Variants in DAPK2 observed in about 807,000 individuals in gnomAD.
DAPK2 encodes the protein death associated protein kinase 2, also known as death-associated protein kinase 2.
Under a neutral mutation model 44.1 loss-of-function variants are expected in DAPK2, and 35 were observed. The observed-to-expected ratio is 0.79, with a 90% CI of 0.61 to 1.05. The LOEUF is 1.05. Ranked by LOEUF, DAPK2 falls within the 50% of genes least tolerant of loss-of-function variation. The pLI is 0.00. For synonymous variants in DAPK2, 174 were observed against 182.6 expected (o/e 0.95, Z 0.38); for missense variants, 453 against 483.2 (o/e 0.94, Z 0.59).
intron 1 of DAPK2, among the ~76,000 whole-genome samples, chr15:64,017,813 A>G (rs1014974951): frequency 2.6e-5 from 4 of 152,224 alleles, no homozygotes; most frequent in African/African-American, 9.6e-5. Context: ...TGTGTTGAAA[A>G]GCAGCCACAC....
intron 1 of DAPK2, among the ~76,000 whole-genome samples, chr15:63,986,860 C>CCACTGAG: frequency 1.2e-5 from 1 of 83,332 alleles, no homozygotes; most frequent in South Asian, 3.3e-4. Flanking sequence ...CCAGGGCTGA[C>CCACTGAG]TTACAACAGC....
At chr15:64,029,307 G>C (rs557696209) in intron 1 of DAPK2, among the ~76,000 whole-genome samples, 1 of 152,234 alleles carries the variant, frequency 6.6e-6, no homozygotes, top group African/African-American at 2.4e-5. Context: ...GGTGATGAAA[G>C]TGCCTCCCTC....
At chr15:63,970,898 C>T (rs1046453024) in intron 3 of DAPK2, among the ~76,000 whole-genome samples, 6 of 152,090 alleles carry the variant, frequency 3.9e-5, no homozygotes, top group African/African-American at 1.4e-4. Flanking sequence ...CCCCTACAAG[C>T]AGTTTTATGA....
At chr15:63,907,108 T>G (rs1202263412) in exon 11 of DAPK2, 1 of 152,166 alleles carries the variant, frequency 6.6e-6, no homozygotes, top group Non-Finnish European at 1.5e-5. Context: ...GTCAGCAGGG[T>G]TGGTTTCCTC....
chr15:64,014,859 G>T (rs1408221427), intron 1 of DAPK2, among the ~76,000 whole-genome samples: 1 of 151,422 alleles, frequency 6.6e-6, no homozygotes, highest in African/African-American at 2.4e-5. Flanking sequence ...GGTGGAGGTT[G>T]CAGTGAGCTG....
chr15:63,976,438 G>C (rs1224735745), intron 2 of DAPK2, among the ~76,000 whole-genome samples: 1 of 152,178 alleles, frequency 6.6e-6, no homozygotes, highest in African/African-American at 2.4e-5. Flanking sequence ...TGAAATGTGG[G>C]CTGGGCACAG....
At chr15:63,942,910 G>GTT (rs1247417657) in intron 3 of DAPK2, among the ~76,000 whole-genome samples, 2 of 152,096 alleles carry the variant, frequency 1.3e-5, no homozygotes, top group Non-Finnish European at 2.9e-5. Flanking sequence ...TTGCCCAAGG[G>GTT]TTTTGTTCCT....
At chr15:63,940,528 T>A (rs1338071845) in intron 3 of DAPK2, among the ~76,000 whole-genome samples, 1 of 152,038 alleles carries the variant, frequency 6.6e-6, no homozygotes, top group Non-Finnish European at 1.5e-5. Flanking sequence ...CCGGCCAACA[T>A]GGCAAAACCC....
intron 3 of DAPK2, among the ~76,000 whole-genome samples, chr15:63,946,164 G>A (rs543794144): frequency 7.9e-5 from 12 of 152,216 alleles, no homozygotes; most frequent in South Asian, 6.2e-4. Flanking sequence ...AGCTCATCCC[G>A]CCAGGGAGGC....
chr15:64,021,765 CAGAGGG>C (rs1013725362), intron 1 of DAPK2, among the ~76,000 whole-genome samples: 35 of 152,130 alleles, frequency 2.3e-4, no homozygotes, highest in Non-Finnish European at 4.4e-4. Flanking sequence ...GGGAAGGCCC[CAGAGGG>C]AGAGGAAGTA....
At chr15:64,002,074 T>G (rs373491300) in intron 1 of DAPK2, among the ~76,000 whole-genome samples, 2 of 152,256 alleles carry the variant, frequency 1.3e-5, no homozygotes, top group African/African-American at 4.8e-5. Context: ...CCTCTCATTT[T>G]ACACTCTCAA....
chr15:64,005,478 G>A (rs1315007310), intron 1 of DAPK2, among the ~76,000 whole-genome samples: 1 of 151,706 alleles, frequency 6.6e-6, no homozygotes, highest in Non-Finnish European at 1.5e-5. Flanking sequence ...GCAGGTGCTG[G>A]AGAAGATGTG....
At chr15:64,002,952 G>GTGTGTCGTGGGACC (rs2079125009) in intron 1 of DAPK2, among the ~76,000 whole-genome samples, 2 of 130,754 alleles carry the variant, frequency 1.5e-5, no homozygotes, top group Non-Finnish European at 3.3e-5. Context: ...GTGTGTGTGT[G>GTGTGTCGTGGGACC]TGTGTGTGTG....
chr15:63,961,669 C>T (rs529970193), intron 3 of DAPK2, among the ~76,000 whole-genome samples: 1 of 152,246 alleles, frequency 6.6e-6, no homozygotes, highest in Admixed American at 6.5e-5. Context: ...GAATATTGGC[C>T]CCCACTCTCT....
chr15:64,024,509 C>T (rs1212576323), intron 1 of DAPK2, among the ~76,000 whole-genome samples: 1 of 152,204 alleles, frequency 6.6e-6, no homozygotes, highest in African/African-American at 2.4e-5. Context: ...ATTTCAACAA[C>T]CCCATGAGAT....
intron 1 of DAPK2, among the ~76,000 whole-genome samples, chr15:64,023,796 C>A: frequency 6.6e-6 from 1 of 152,114 alleles, no homozygotes; most frequent in East Asian, 1.9e-4. Context: ...ACATCTGTGG[C>A]AGGAATGGAA....
rs1034219576 is a variant in DAPK2, at chr15:63,916,469, C to G, written c.859-4272G>C. The stretch of plus-strand genomic sequence containing the variant: ...CACTTCTCTCCTGCCCAGGACCCCT[C>G]CCCGCTGCCCTTCCCTCAATGGAGT... On this transcript the variant is annotated intron_variant, in intron 8 of 10. Transcript: ENST00000261891. The surrounding 1 kb of genome is among the most constrained non-coding windows in gnomAD (Gnocchi z 4.7). The G allele has an allele frequency of 6.6e-6, 1 of 152,474 alleles. No individual in the cohort carries two copies. Among genetic ancestry groups the G allele is most frequent in the Non-Finnish European group, 1.5e-5 (1 of 68,196 alleles). 9.4% of individuals were successfully genotyped at this position (152,474 alleles called of 1,614,324 possible). A position where few individuals can be genotyped will look rare whatever the true frequency, so the allele number is the denominator to read the frequency against.
chr15:64,005,403 A>G (rs1167798810), intron 1 of DAPK2, among the ~76,000 whole-genome samples: 1 of 151,164 alleles, frequency 6.6e-6, no homozygotes, highest in Non-Finnish European at 1.5e-5. Context: ...GCAGAAACTT[A>G]CCTTTCCTTG....
chr15:64,022,877 G>C (rs976563450), intron 1 of DAPK2, among the ~76,000 whole-genome samples: 1 of 152,148 alleles, frequency 6.6e-6, no homozygotes, highest in Non-Finnish European at 1.5e-5. Flanking sequence ...GTCCCTCAAA[G>C]GGGGTTAGAC....
Sources: allele counts gnomAD v4.1 joint callset (sites outside exome capture counted in the v4.1 genomes callset), GRCh38; gene constraint gnomAD v4.1.1; non-coding constraint Gnocchi (gnomAD v3.1); transcripts MANE v1.5; gene names NCBI Gene and HGNC (gene_info 2026-07-23, HGNC 2026-07-21).